The following MYO3B variants were observed in gnomAD, a reference collection of about 807,000 sequenced individuals.
MYO3B encodes the protein myosin IIIB, also known as myosin-IIIb.
Under a neutral mutation model 174.6 loss-of-function variants are expected in MYO3B, and 156 were observed. That is an observed-to-expected ratio of 0.89 (90% CI 0.78 to 1.02). The LOEUF (loss-of-function observed/expected upper bound fraction) is 1.02, where lower values mean the gene tolerates loss of function less well. Ranked by LOEUF, MYO3B falls within the 50% of genes least tolerant of loss-of-function variation. The pLI, the probability that MYO3B is intolerant of heterozygous loss-of-function variation, is 0.00. For synonymous variants in MYO3B, 563 were observed against 569.1 expected, an observed-to-expected ratio of 0.99 and a Z score of 0.15; for missense variants, 1,632 against 1,639.4, an observed-to-expected ratio of 1.00 and a Z score of 0.08.
chr2:170,284,052 A>G (rs1006020142), intron 7 of MYO3B, among the ~76,000 whole-genome samples: 1 of 152,364 alleles, frequency 6.6e-6, no homozygotes, highest in African/African-American at 2.4e-5. Context: ...GTAGAACTCC[A>G]TGGAACAAAT....
chr2:170,512,563 A>C (rs1428875875), intron 28 of MYO3B, among the ~76,000 whole-genome samples: 4 of 152,198 alleles, frequency 2.6e-5, no homozygotes, highest in Non-Finnish European at 5.9e-5. Context: ...ACCTACCAGG[A>C]CAGTGTCTCT....
At chr2:170,485,256 C>G (rs1407764141) in intron 25 of MYO3B, among the ~76,000 whole-genome samples, 1 of 152,008 alleles carries the variant, frequency 6.6e-6, no homozygotes, top group Non-Finnish European at 1.5e-5. Context: ...TATGAACACC[C>G]TTTCCTCTAA....
In MYO3B at chr2:170,346,827, C is replaced by CAACT. The variant is rs1414642273; in HGVS notation, c.815+11378_815+11381dup. On this transcript the variant is annotated intron_variant, in intron 8 of 34. Coordinates refer to ENST00000408978, the MANE Select transcript of MYO3B (RefSeq NM_138995.5). ...TGTCATCTTGCATCCCAGCACTGATCAACTGATCACCTCCCTGCAATGCTG... is the reference window on the plus strand; with the variant it reads ...TGTCATCTTGCATCCCAGCACTGATCAACTAACTGATCACCTCCCTGCAATGCTG... 3.9e-5 allele frequency among the ~76,000 whole-genome samples: 6 copies of CAACT among 152,324 alleles called. No individual in the cohort carries two copies. The East Asian group carries it at 1.2e-3, about 29-fold the overall frequency.
chr2:170,203,666 A>G (rs879540777), intron 3 of MYO3B, among the ~76,000 whole-genome samples: 12 of 152,202 alleles, frequency 7.9e-5, no homozygotes, highest in Non-Finnish European at 1.6e-4. Context: ...ATACTGTGGC[A>G]TGAATTAAGT....
At chr2:170,281,081 A>C (rs865972519) in intron 7 of MYO3B, among the ~76,000 whole-genome samples, 2 of 152,130 alleles carry the variant, frequency 1.3e-5, no homozygotes, top group South Asian at 2.1e-4. Flanking sequence ...TGGCCATTTT[A>C]ATCATATTGA....
chr2:170,429,095 C>G (rs563914706), intron 22 of MYO3B, among the ~76,000 whole-genome samples: 3 of 152,088 alleles, frequency 2.0e-5, no homozygotes, highest in African/African-American at 7.2e-5. Flanking sequence ...ATAGGTGTTG[C>G]GGGAAATTAT....
At chr2:170,430,317 G>A (rs1162174328) in intron 22 of MYO3B, among the ~76,000 whole-genome samples, 2 of 151,138 alleles carry the variant, frequency 1.3e-5, no homozygotes, top group East Asian at 3.9e-4. Flanking sequence ...ATCATCTACA[G>A]GTTTTCAACA....
intron 32 of MYO3B, among the ~76,000 whole-genome samples, chr2:170,603,101 T>C (rs1694618999): frequency 6.6e-6 from 1 of 151,730 alleles, no homozygotes; most frequent in Non-Finnish European, 1.5e-5. Flanking sequence ...AAAAAAAAAC[T>C]TCTAAACCTT....
chr2:170,602,191 A>T (rs969707793), intron 32 of MYO3B: 1 of 1,241,740 alleles, frequency 8.1e-7, no homozygotes, highest in Non-Finnish European at 1.2e-6. Flanking sequence ...ATATGATGAC[A>T]TTTTGCCTCT....
At chr2:170,205,598 C>T (rs996182920) in intron 3 of MYO3B, among the ~76,000 whole-genome samples, 14 of 152,134 alleles carry the variant, frequency 9.2e-5, no homozygotes, top group African/African-American at 3.1e-4. Flanking sequence ...GACTCTGTCT[C>T]TTCTTCACCT....
chr2:170,611,688 A>G (rs1473292927), intron 32 of MYO3B, among the ~76,000 whole-genome samples: 1 of 152,260 alleles, frequency 6.6e-6, no homozygotes, highest in Admixed American at 6.5e-5. Flanking sequence ...AGAGACTAGC[A>G]ATAACATTTC....
intron 7 of MYO3B, among the ~76,000 whole-genome samples, chr2:170,324,085 C>T (rs573703426): frequency 3.9e-5 from 6 of 152,170 alleles, no homozygotes; most frequent in African/African-American, 9.6e-5. Context: ...CTATGTTGGG[C>T]GAAATCCTAG....
intron 6 of MYO3B, among the ~76,000 whole-genome samples, chr2:170,231,543 A>G (rs1444675871): frequency 6.6e-6 from 1 of 152,218 alleles, no homozygotes; most frequent in Non-Finnish European, 1.5e-5. Context: ...AGTGTAGTCT[A>G]ACTGTACCAG....
chr2:170,446,304 C>T (rs1463044429), intron 23 of MYO3B, among the ~76,000 whole-genome samples: 2 of 152,092 alleles, frequency 1.3e-5, no homozygotes, highest in Admixed American at 6.6e-5. Flanking sequence ...TAAAGAACCC[C>T]GTGTCGTATT....
At chr2:170,361,468 TCG>T (rs1425412547) in intron 8 of MYO3B, among the ~76,000 whole-genome samples, 1 of 152,222 alleles carries the variant, frequency 6.6e-6, no homozygotes, top group Non-Finnish European at 1.5e-5. Context: ...GCCTTAATTC[TCG>T]GACACAAAAT....
At chr2:170,613,315 T>C (rs1163019183) in intron 32 of MYO3B, among the ~76,000 whole-genome samples, 2 of 152,204 alleles carry the variant, frequency 1.3e-5, no homozygotes, top group African/African-American at 4.8e-5. Context: ...CTGGCACTGA[T>C]GGGACTTCAC....
chr2:170,445,134 A>G (rs935652882), intron 23 of MYO3B, among the ~76,000 whole-genome samples: 1 of 152,102 alleles, frequency 6.6e-6, no homozygotes, highest in Non-Finnish European at 1.5e-5. Flanking sequence ...GTTAAAAGAC[A>G]CCCTATTTAA....
intron 32 of MYO3B, among the ~76,000 whole-genome samples, chr2:170,593,533 T>C (rs1693949860): frequency 6.6e-6 from 1 of 152,234 alleles, no homozygotes; most frequent in African/African-American, 2.4e-5. Context: ...ACAGAAAAGC[T>C]ACATCACCAA....
chr2:170,373,276 A>G (rs1407768657), intron 9 of MYO3B, among the ~76,000 whole-genome samples: 1 of 152,242 alleles, frequency 6.6e-6, no homozygotes, highest in Non-Finnish European at 1.5e-5. Context: ...GCAATCATGT[A>G]GAAATTGCAA....
Sources: gnomAD v4.1 joint callset for allele counts (sites outside exome capture counted in the v4.1 genomes callset) on GRCh38, gnomAD v4.1.1 for gene constraint, MANE v1.5 for transcripts, NCBI Gene and HGNC (gene_info 2026-07-23, HGNC 2026-07-21) for gene names.